PARD3B: variants seen among roughly 807,000 people sequenced by gnomAD.
The protein encoded by PARD3B is partitioning defective 3 homolog B.
A neutral mutation model predicts 130.2 loss-of-function variants in PARD3B; 103 were observed. The observed-to-expected ratio is 0.79, with a 90% confidence interval of 0.67 to 0.93. The LOEUF (loss-of-function observed/expected upper bound fraction) is 0.93. PARD3B is among the 40% of genes least tolerant of loss of function. PARD3B has a pLI of 0.00. For synonymous variants in PARD3B, 583 were observed against 553.2 expected (o/e 1.05, Z -0.76); for missense variants, 1,609 against 1,499.2 (o/e 1.07, Z -1.21).
chr2:205,090,972 C>T (rs1324201380), intron 4 of PARD3B, among the ~76,000 whole-genome samples: 3 of 152,086 alleles, frequency 2.0e-5, no homozygotes, highest in Non-Finnish European at 2.9e-5. Flanking sequence ...AACTAACTAC[C>T]CATTTGGTGA....
intron 20 of PARD3B, among the ~76,000 whole-genome samples, chr2:205,454,572 G>A (rs2048208592): frequency 6.6e-6 from 1 of 152,100 alleles, no homozygotes; most frequent in African/African-American, 2.4e-5. Context: ...TCCTGAGCAA[G>A]CACTCTGGAT....
intron 1 of PARD3B, among the ~76,000 whole-genome samples, chr2:204,656,468 A>G (rs933696534): frequency 1.3e-5 from 2 of 152,168 alleles, no homozygotes; most frequent in African/African-American, 4.8e-5. Context: ...TTTCCAATCT[A>G]CTTCACTGTT....
chr2:205,484,656 G>A (rs2049369275), intron 20 of PARD3B, among the ~76,000 whole-genome samples: 1 of 152,144 alleles, frequency 6.6e-6, no homozygotes, highest in South Asian at 2.1e-4. Flanking sequence ...ACGAAGCAAG[G>A]AATCAGAAAG....
chr2:204,892,878 T>C (rs571393547), intron 2 of PARD3B, among the ~76,000 whole-genome samples: 1 of 152,320 alleles, frequency 6.6e-6, no homozygotes, highest in South Asian at 2.1e-4. Flanking sequence ...TGTTAGTGTA[T>C]GTGTTAAGTT....
chr2:205,172,959 A>G (rs1199749472), intron 12 of PARD3B, among the ~76,000 whole-genome samples: 1 of 152,084 alleles, frequency 6.6e-6, no homozygotes, highest in Non-Finnish European at 1.5e-5. Context: ...TAAGTGTATG[A>G]TAGCTTTAAT....
chr2:204,997,669 A>C (rs1479408626), intron 3 of PARD3B, among the ~76,000 whole-genome samples: 1 of 152,014 alleles, frequency 6.6e-6, no homozygotes, highest in Non-Finnish European at 1.5e-5. Context: ...ATGATTGACT[A>C]TTCTTTTCAA....
chr2:205,513,457 T>C (rs1408466354), intron 21 of PARD3B, among the ~76,000 whole-genome samples: 1 of 152,066 alleles, frequency 6.6e-6, no homozygotes, highest in Non-Finnish European at 1.5e-5. Context: ...AATTTTCCCC[T>C]TTGTTGGTTC....
intron 4 of PARD3B, among the ~76,000 whole-genome samples, chr2:205,101,532 C>T (rs557594810): frequency 7.2e-5 from 11 of 152,214 alleles, no homozygotes; most frequent in East Asian, 1.9e-4. Context: ...CACTCCACAG[C>T]GTACGCCAGA....
At chr2:204,564,664 A>G (rs1470541581) in intron 1 of PARD3B, among the ~76,000 whole-genome samples, 11 of 152,130 alleles carry the variant, frequency 7.2e-5, no homozygotes, top group Non-Finnish European at 2.9e-5. Context: ...AGCACTATAT[A>G]CCATTTTTTT....
intron 2 of PARD3B, among the ~76,000 whole-genome samples, chr2:204,802,501 A>G (rs1266250170): frequency 1.8e-4 from 28 of 152,174 alleles, no homozygotes; most frequent in Admixed American, 1.8e-3. Flanking sequence ...GTATATACCC[A>G]AAGGATTATA....
intron 3 of PARD3B, among the ~76,000 whole-genome samples, chr2:205,046,783 AT>A (rs1223688414): frequency 6.6e-6 from 1 of 152,190 alleles, no homozygotes; most frequent in African/African-American, 2.4e-5. Context: ...CCACAAGCAG[AT>A]TTTTTTTGAG....
intron 18 of PARD3B, among the ~76,000 whole-genome samples, chr2:205,357,277 T>C (rs1456609637): frequency 6.6e-6 from 1 of 152,228 alleles, no homozygotes; most frequent in Non-Finnish European, 1.5e-5. Context: ...ACTCCTTTGG[T>C]GATGCTGAAG....
At chr2:204,651,232 A>T (rs552857188) in intron 1 of PARD3B, among the ~76,000 whole-genome samples, 2 of 152,350 alleles carry the variant, frequency 1.3e-5, no homozygotes, top group Admixed American at 1.3e-4. Flanking sequence ...AGACAAGACA[A>T]GTCCCTTCCA....
At chr2:205,092,730 G>A (rs1192120726) in intron 4 of PARD3B, among the ~76,000 whole-genome samples, 1 of 152,130 alleles carries the variant, frequency 6.6e-6, no homozygotes, top group African/African-American at 2.4e-5. Context: ...CAAGTGTAAG[G>A]TCCCCATACT....
At chr2:205,398,234 G>A (rs944495582) in intron 18 of PARD3B, among the ~76,000 whole-genome samples, 2 of 152,148 alleles carry the variant, frequency 1.3e-5, no homozygotes, top group Admixed American at 6.5e-5. Context: ...CCGAGAGGTG[G>A]AGGTTGCAGT....
intron 4 of PARD3B, among the ~76,000 whole-genome samples, chr2:205,066,673 C>T (rs1700396810): frequency 6.6e-6 from 1 of 152,106 alleles, no homozygotes; most frequent in South Asian, 2.1e-4. Context: ...ACTGGTGTAA[C>T]ACATTTGGAA....
At chr2:205,038,690 C>T (rs1443652816) in intron 3 of PARD3B, among the ~76,000 whole-genome samples, 1 of 152,206 alleles carries the variant, frequency 6.6e-6, no homozygotes, top group East Asian at 1.9e-4. Context: ...GATGCTTTAT[C>T]ATGCGTGTGC....
chr2:204,879,193 A>G lies in PARD3B; in HGVS notation c.223-85959A>G, dbSNP rs75143918. 2.4e-3 allele frequency among the ~76,000 whole-genome samples: 358 copies of G among 152,176 alleles called. 1 individual carries two copies. Among genetic ancestry groups the G allele is most frequent in the African/African-American group, 8.2e-3 (339 of 41,520 alleles). On this transcript the variant is annotated intron_variant, in intron 2 of 22. Transcript: ENST00000406610. ...TTGCAAATGTAAAATAAACAAACCCATTTTTGTTACTGGACAGGGAGCACA... is the reference window on the plus strand; with the variant it reads ...TTGCAAATGTAAAATAAACAAACCCGTTTTTGTTACTGGACAGGGAGCACA...
intron 2 of PARD3B, among the ~76,000 whole-genome samples, chr2:204,931,438 T>C (rs1451784889): frequency 6.6e-6 from 1 of 152,092 alleles, no homozygotes; most frequent in Admixed American, 6.6e-5. Context: ...TTTTGGGGTT[T>C]GGAGAAGGCC....
Sources: allele counts gnomAD v4.1 joint callset (sites outside exome capture counted in the v4.1 genomes callset), GRCh38; gene constraint gnomAD v4.1.1; transcripts MANE v1.5; gene names NCBI Gene and HGNC (gene_info 2026-07-23, HGNC 2026-07-21).